CSMD1: variants seen among roughly 807,000 people sequenced by gnomAD.
The protein encoded by CSMD1 is CUB and sushi domain-containing protein 1.
Under a neutral mutation model 417.5 loss-of-function variants are expected in CSMD1, and 213 were observed. That is an observed-to-expected ratio of 0.51 (90% CI 0.46 to 0.57). The LOEUF (loss-of-function observed/expected upper bound fraction) is 0.57, where lower values mean the gene tolerates loss of function less well. CSMD1 is among the 20% of genes least tolerant of loss of function. The pLI, the probability that CSMD1 is intolerant of heterozygous loss-of-function variation, is 0.00. For synonymous variants in CSMD1, 2,862 were observed against 1,736.8 expected (o/e 1.65, Z -16.11); for missense variants, 6,923 against 4,529.7 (o/e 1.53, Z -15.17).
chr8:4,336,227 G>A (rs895044808), intron 3 of CSMD1, among the ~76,000 whole-genome samples: 1 of 152,116 alleles, frequency 6.6e-6, no homozygotes, highest in African/African-American at 2.4e-5. Context: ...TGCACCTGTA[G>A]GTTCAAGACC....
At chr8:3,718,545 C>G (rs145670302) in intron 6 of CSMD1, among the ~76,000 whole-genome samples, 1 of 152,118 alleles carries the variant, frequency 6.6e-6, no homozygotes, top group Non-Finnish European at 1.5e-5. Context: ...TTATCAGAAT[C>G]TTTTAATTTA....
intron 7 of CSMD1, among the ~76,000 whole-genome samples, chr8:3,645,296 C>G (rs1268939026): frequency 2.0e-5 from 3 of 152,190 alleles, no homozygotes; most frequent in Non-Finnish European, 4.4e-5. Context: ...ACAATGAACA[C>G]AAATGTGTTC....
chr8:4,652,836 A>T (rs1268143284), intron 1 of CSMD1, among the ~76,000 whole-genome samples: 2 of 152,058 alleles, frequency 1.3e-5, no homozygotes, highest in Non-Finnish European at 2.9e-5. Flanking sequence ...AGACTGCACA[A>T]ACTAGATCCC....
At chr8:3,541,803 T>A (rs1319112431) in intron 10 of CSMD1, among the ~76,000 whole-genome samples, 2 of 151,398 alleles carry the variant, frequency 1.3e-5, no homozygotes, top group Non-Finnish European at 2.9e-5. Flanking sequence ...AACAAAAAAT[T>A]TGTGCTGGGC....
chr8:3,609,607 C>G (rs543704423), intron 8 of CSMD1, among the ~76,000 whole-genome samples: 4 of 151,910 alleles, frequency 2.6e-5, no homozygotes, highest in Admixed American at 6.6e-5. Context: ...AAAGTGAACT[C>G]TTTTTAACAA....
At chr8:4,422,761 C>T (rs1262735751) in intron 2 of CSMD1, among the ~76,000 whole-genome samples, 1 of 151,984 alleles carries the variant, frequency 6.6e-6, no homozygotes, top group East Asian at 1.9e-4. Context: ...GTCTCTCATG[C>T]ATATAGATGC....
chr8:3,746,892 G>A (rs1797088679), intron 6 of CSMD1, among the ~76,000 whole-genome samples: 1 of 152,176 alleles, frequency 6.6e-6, no homozygotes, highest in Non-Finnish European at 1.5e-5. Context: ...CAGCCCAAGA[G>A]GACTGAGTAC....
chr8:3,390,982 T>C (rs1811311668), intron 17 of CSMD1, among the ~76,000 whole-genome samples: 1 of 152,186 alleles, frequency 6.6e-6, no homozygotes, highest in Non-Finnish European at 1.5e-5. Context: ...CATGTTACAT[T>C]ATTTACTGAT....
intron 8 of CSMD1, among the ~76,000 whole-genome samples, chr8:3,604,868 C>T (rs1291270390): frequency 6.6e-6 from 1 of 152,146 alleles, no homozygotes; most frequent in Non-Finnish European, 1.5e-5. Flanking sequence ...CTCTAGCTAC[C>T]TCCACGCTCT....
chr8:3,931,233 T>C (rs1456454029), intron 5 of CSMD1, among the ~76,000 whole-genome samples: 1 of 150,602 alleles, frequency 6.6e-6, no homozygotes, highest in Non-Finnish European at 1.5e-5. Flanking sequence ...AGAATGATAA[T>C]ACATTTTGTT....
At chr8:4,514,503 A>T (rs1002164617) in intron 2 of CSMD1, among the ~76,000 whole-genome samples, 1 of 152,202 alleles carries the variant, frequency 6.6e-6, no homozygotes, top group Non-Finnish European at 1.5e-5. Context: ...ATGGGAATCA[A>T]CGAAGAGGGA....
chr8:4,025,118 C>G (rs1004809135), intron 4 of CSMD1, among the ~76,000 whole-genome samples: 1 of 152,318 alleles, frequency 6.6e-6, no homozygotes, highest in African/African-American at 2.4e-5. Flanking sequence ...ACCGAAGGGG[C>G]TGCAAGAGAT....
At chr8:4,426,091 A>G (rs938767609) in intron 2 of CSMD1, among the ~76,000 whole-genome samples, 1 of 151,862 alleles carries the variant, frequency 6.6e-6, no homozygotes, top group East Asian at 1.9e-4. Flanking sequence ...TTATTTTGAA[A>G]AAAAAAAAAA....
chr8:4,760,394 T>A (rs1264342190), intron 1 of CSMD1, among the ~76,000 whole-genome samples: 1 of 152,148 alleles, frequency 6.6e-6, no homozygotes, highest in Non-Finnish European at 1.5e-5. Flanking sequence ...GAGATTAAAA[T>A]TCTCAGCTGA....
At chr8:3,662,740 C>T (rs979852070) in intron 7 of CSMD1, among the ~76,000 whole-genome samples, 2 of 151,938 alleles carry the variant, frequency 1.3e-5, no homozygotes, top group African/African-American at 4.8e-5. Context: ...GACACAGGAA[C>T]AGAAAACCAA....
intron 3 of CSMD1, among the ~76,000 whole-genome samples, chr8:4,194,852 C>G (rs1799237668): frequency 6.6e-6 from 1 of 152,054 alleles, no homozygotes; most frequent in Non-Finnish European, 1.5e-5. Flanking sequence ...GGATCTCCCA[C>G]TGTATTATAC....
chr8:3,341,252 G>A (rs886452369), intron 23 of CSMD1, among the ~76,000 whole-genome samples: 1 of 152,096 alleles, frequency 6.6e-6, no homozygotes, highest in Non-Finnish European at 1.5e-5. Context: ...ACGGTCACAC[G>A]GCTCTGGAGC....
intron 3 of CSMD1, among the ~76,000 whole-genome samples, chr8:4,253,119 G>T (rs759061053): frequency 1.3e-5 from 2 of 152,200 alleles, no homozygotes; most frequent in African/African-American, 4.8e-5. Flanking sequence ...TGTGGAACTG[G>T]ATGGATATTG....
At chr8:4,889,279 A>C in intron 1 of CSMD1, among the ~76,000 whole-genome samples, 1 of 152,140 alleles carries the variant, frequency 6.6e-6, no homozygotes, top group East Asian at 1.9e-4. Context: ...CCATAGCCTA[A>C]ATTGAATCAT....
Sources: gnomAD v4.1 joint callset for allele counts (sites outside exome capture counted in the v4.1 genomes callset) on GRCh38, gnomAD v4.1.1 for gene constraint, MANE v1.5 for transcripts, NCBI Gene and HGNC (gene_info 2026-07-23, HGNC 2026-07-21) for gene names.